ALK: variants seen among roughly 807,000 people sequenced by gnomAD.
The protein encoded by ALK is ALK tyrosine kinase receptor.
In ALK, 74 loss-of-function variants were observed where a neutral mutation model predicts 163.1. That is an observed-to-expected ratio of 0.45 (90% CI 0.38 to 0.55). The LOEUF is 0.55. Ranked by LOEUF, ALK falls within the 20% of genes least tolerant of loss-of-function variation. ALK has a pLI of 0.00. For synonymous variants in ALK, 960 were observed against 843.2 expected (o/e 1.14, Z -2.40); for missense variants, 2,063 against 2,105.3 (o/e 0.98, Z 0.39).
chr2:29,807,302 G>T (rs1664644715), intron 1 of ALK, among the ~76,000 whole-genome samples: 1 of 152,206 alleles, frequency 6.6e-6, no homozygotes, highest in South Asian at 2.1e-4. Flanking sequence ...GCCAAGGGAG[G>T]GTGAATGAAA....
At chr2:29,646,285 C>T (rs1053091628) in intron 3 of ALK, among the ~76,000 whole-genome samples, 2 of 152,136 alleles carry the variant, frequency 1.3e-5, no homozygotes, top group Non-Finnish European at 2.9e-5. Flanking sequence ...AAGTCATTGG[C>T]TCCGCCTCAA....
Position 29,305,211 on chromosome 2 carries a change from C to T in ALK, c.1648-8154G>A, listed in dbSNP as rs55953868. The stretch of plus-strand genomic sequence containing the variant: ...CACCATCACCAAGGTGTAGAGGGGG[C>T]GATTTTCCTGCAGCGGGGAGTCTGC... On this transcript the variant is annotated intron_variant, in intron 8 of 28. Transcript: ENST00000389048. Among the ~76,000 whole-genome samples, 1,401 of 152,088 alleles carry T rather than the reference C, an allele frequency of 9.2e-3. 25 individuals carry two copies. The highest frequency in any genetic ancestry group is 0.03 in the African/African-American group (1,255 of 41,468).
At chr2:29,310,713 G>A (rs1666672390) in intron 8 of ALK, among the ~76,000 whole-genome samples, 1 of 152,210 alleles carries the variant, frequency 6.6e-6, no homozygotes, top group Non-Finnish European at 1.5e-5. Context: ...TGGACCCTCA[G>A]TGTCCCTCCC....
rs12994767 is a variant in ALK at position 29,705,100 on chromosome 2, C to T, written c.788-10086G>A. On this transcript the variant is annotated intron_variant, in intron 2 of 28. Coordinates refer to ENST00000389048, the MANE Select transcript of ALK (RefSeq NM_004304.5). ...AAGCGTGGTGGCTGGTGCCTGTAAT[C>T]CCAGCTGCTCGGGAGGCTGAGGCAG... is the stretch of plus-strand genomic sequence containing the variant. 3.2e-3 allele frequency among the ~76,000 whole-genome samples: 477 copies of T among 151,004 alleles called. 3 individuals are homozygous for T. The highest frequency in any genetic ancestry group is 4.9e-3 in the Non-Finnish European group (331 of 67,676).
At chr2:29,216,963 GGTGTGT>G (rs1345187541) in intron 23 of ALK, among the ~76,000 whole-genome samples, 3 of 137,342 alleles carry the variant, frequency 2.2e-5, no homozygotes, top group South Asian at 2.5e-4. Flanking sequence ...ATGTGTGTGT[GGTGTGT>G]GCGTGGTGTG....
chr2:29,767,329 A>G (rs1477364635), intron 1 of ALK, among the ~76,000 whole-genome samples: 1 of 152,180 alleles, frequency 6.6e-6, no homozygotes, highest in Non-Finnish European at 1.5e-5. Flanking sequence ...ATGTCAAGAG[A>G]TGGGGGCTCA....
chr2:29,608,706 T>C (rs923696463), intron 3 of ALK, among the ~76,000 whole-genome samples: 2 of 152,162 alleles, frequency 1.3e-5, no homozygotes, highest in African/African-American at 4.8e-5. Flanking sequence ...TAATGACCAG[T>C]TGTGACCAAG....
At chr2:29,541,918 G>GC (rs1239338000) in intron 3 of ALK, among the ~76,000 whole-genome samples, 2 of 152,184 alleles carry the variant, frequency 1.3e-5, no homozygotes, top group Non-Finnish European at 2.9e-5. Flanking sequence ...ACCATTGCTA[G>GC]CCAAGCCTCC....
intron 1 of ALK, among the ~76,000 whole-genome samples, chr2:29,755,376 A>T (rs748816045): frequency 2.6e-5 from 4 of 152,234 alleles, no homozygotes; most frequent in Non-Finnish European, 4.4e-5. Flanking sequence ...GGCTGAGGAA[A>T]ATCCCCTGGT....
chr2:29,234,301 C>T (rs1313939699), intron 13 of ALK, among the ~76,000 whole-genome samples: 2 of 152,110 alleles, frequency 1.3e-5, no homozygotes, highest in African/African-American at 4.8e-5. Flanking sequence ...GGCTAGAGGC[C>T]TTGAAGGCAC....
intron 3 of ALK, among the ~76,000 whole-genome samples, chr2:29,678,898 A>C (rs1677975880): frequency 6.6e-6 from 1 of 151,628 alleles, no homozygotes; most frequent in Admixed American, 6.6e-5. Flanking sequence ...AGTTAGGTTG[A>C]GTTAGTTGAT....
At chr2:29,389,966 A>G (rs979290853) in intron 4 of ALK, among the ~76,000 whole-genome samples, 1 of 152,222 alleles carries the variant, frequency 6.6e-6, no homozygotes, top group Admixed American at 6.5e-5. Flanking sequence ...TCTCCAATGC[A>G]GGTCAGGCTT....
In ALK at chr2:29,889,711, G is replaced by C. The variant is rs868524343; in HGVS notation, c.667+30282C>G. Among the ~76,000 whole-genome samples, 10 of 22,990 alleles carry C rather than the reference G, an allele frequency of 4.3e-4. 1 individual carries two copies. Among genetic ancestry groups the C allele is most frequent in the Admixed American group, 1.0e-3 (4 of 3,866 alleles). 15.1% of individuals were successfully genotyped at this position (22,990 alleles called of 152,430 possible). On this transcript the variant is annotated intron_variant, in intron 1 of 28. Transcript: ENST00000389048. The stretch of plus-strand genomic sequence containing the variant: ...ATAGATAGACAGAGAGAGAGAGAGA[G>C]AGAGAGAGAGAGAGAGAGAGAGAGA...
intron 4 of ALK, among the ~76,000 whole-genome samples, chr2:29,493,935 T>A (rs1671963080): frequency 6.6e-6 from 1 of 152,226 alleles, no homozygotes; most frequent in Non-Finnish European, 1.5e-5. Context: ...CCCTTCCATG[T>A]CTAATTCTGA....
At chr2:29,282,945 C>G (rs370960969) in intron 9 of ALK, among the ~76,000 whole-genome samples, 3 of 152,206 alleles carry the variant, frequency 2.0e-5, no homozygotes, top group South Asian at 2.1e-4. Context: ...AGACCCATCT[C>G]TGGCAAGTTC....
chr2:29,493,670 A>G (rs1200001938), intron 4 of ALK, among the ~76,000 whole-genome samples: 1 of 152,218 alleles, frequency 6.6e-6, no homozygotes, highest in Non-Finnish European at 1.5e-5. Flanking sequence ...AATAATTCCT[A>G]CTTCCCGAGG....
chr2:29,689,266 G>T (rs985113453), intron 3 of ALK, among the ~76,000 whole-genome samples: 3 of 152,200 alleles, frequency 2.0e-5, no homozygotes, highest in Non-Finnish European at 2.9e-5. Flanking sequence ...TACCTCAAAA[G>T]ATCAAGAGTC....
chr2:29,407,352 T>A (rs775664511), intron 4 of ALK, among the ~76,000 whole-genome samples: 36 of 152,258 alleles, frequency 2.4e-4, no homozygotes, highest in Non-Finnish European at 4.7e-4. Context: ...TTTATTGAAC[T>A]CTTATTAAGT....
At chr2:29,633,812 A>G (rs887375972) in intron 3 of ALK, among the ~76,000 whole-genome samples, 1 of 152,198 alleles carries the variant, frequency 6.6e-6, no homozygotes, top group Non-Finnish European at 1.5e-5. Context: ...ATTTAACAAC[A>G]TAGATAAAAT....
Sources: gnomAD v4.1 joint callset for allele counts (sites outside exome capture counted in the v4.1 genomes callset) on GRCh38, gnomAD v4.1.1 for gene constraint, MANE v1.5 for transcripts, NCBI Gene and HGNC (gene_info 2026-07-23, HGNC 2026-07-21) for gene names.